Variants in PARPBP observed in about 807,000 individuals in gnomAD.
PARPBP encodes PCNA-interacting partner.
A neutral mutation model predicts 50.0 loss-of-function variants in PARPBP; 52 were observed. The ratio of observed to expected loss-of-function variants is 1.04; its 90% CI spans 0.83 to 1.31. The LOEUF is 1.31. Ranked by LOEUF, PARPBP falls within the 50% of genes most tolerant of loss-of-function variation. The probability of loss-of-function intolerance (pLI) is 0.00; values close to 1 mark genes in which losing one functional copy is unlikely to be tolerated. For synonymous variants in PARPBP, 244 were observed against 232.1 expected, an observed-to-expected ratio of 1.05 and a Z score of -0.47; for missense variants, 697 against 672.0, an observed-to-expected ratio of 1.04 and a Z score of -0.41.
At chr12:102,174,065 C>T (rs1369412002) in intron 6 of PARPBP, among the ~76,000 whole-genome samples, 1 of 151,652 alleles carries the variant, frequency 6.6e-6, no homozygotes, top group Non-Finnish European at 1.5e-5. Context: ...AAACATACAT[C>T]AATCATCTCT....
chr12:102,146,000 A>G (rs1300422411), intron 2 of PARPBP, among the ~76,000 whole-genome samples: 6 of 152,170 alleles, frequency 3.9e-5, no homozygotes, highest in Non-Finnish European at 4.4e-5. Flanking sequence ...TAGGAACCCA[A>G]CTTACAAAGG....
At chr12:102,143,006 C>T (rs1484722899) in intron 2 of PARPBP, among the ~76,000 whole-genome samples, 1 of 152,210 alleles carries the variant, frequency 6.6e-6, no homozygotes, top group Non-Finnish European at 1.5e-5. Context: ...AGAACCACTA[C>T]TCTCTTCAAA....
At chr12:102,149,097 A>G (rs1258247590) in intron 3 of PARPBP, 4 of 152,172 alleles carry the variant, frequency 2.6e-5, no homozygotes, top group Admixed American at 2.0e-4. Flanking sequence ...AAATATTTTT[A>G]GTTATTTGAA....
chr12:102,177,915 T>C (rs1217886479), intron 7 of PARPBP, among the ~76,000 whole-genome samples: 1 of 152,232 alleles, frequency 6.6e-6, no homozygotes, highest in African/African-American at 2.4e-5. Flanking sequence ...TCTGGGTGCC[T>C]CCTCCTCTGT....
chr12:102,124,295 A>G (rs879273914), intron 2 of PARPBP, among the ~76,000 whole-genome samples: 1 of 152,204 alleles, frequency 6.6e-6, no homozygotes, highest in Admixed American at 6.5e-5. Flanking sequence ...TAATAGGAAG[A>G]TTTAGGATAA....
rs746809757 is a variant in PARPBP at position 102,175,628 on chromosome 12, G to A, written c.967G>A (p.Val323Ile). Residue 323 changes from valine to isoleucine, a missense_variant, in exon 7 of 11, where the codon GTT becomes ATT. Val to Ile is a conservative substitution (Grantham distance 29, BLOSUM62 3). Coordinates refer to ENST00000327680, the MANE Select transcript of PARPBP (RefSeq NM_017915.5). ...IKNIINSQEG[V>I]VALSTTDISP... is the part of the protein sequence containing the mutation. ...AAATATTATCAATTCTCAAGAAGGT[G>A]TTGTAGCTCTTAGCACCACTGACAT... is the stretch of plus-strand genomic sequence containing the variant. The A allele has an allele frequency of 1.9e-6, 3 of 1,613,534 alleles. No individual in the cohort carries two copies. The highest frequency in any genetic ancestry group is 1.7e-6 in the Non-Finnish European group (2 of 1,179,558).
chr12:102,155,631 C>A (rs1379530337), intron 4 of PARPBP, among the ~76,000 whole-genome samples: 2 of 145,102 alleles, frequency 1.4e-5, no homozygotes, highest in Admixed American at 6.9e-5. Flanking sequence ...GGAATATAAA[C>A]CCAGGCATTC....
chr12:102,121,545 CTTTTTTTTTTTTT>C lies in PARPBP; in HGVS notation c.-4+1273_-4+1285del, dbSNP rs35855638. Among the ~76,000 whole-genome samples the C allele has an allele frequency of 4.6e-5, 4 of 87,140 alleles. No homozygotes were observed. In the East Asian group the frequency reaches 1.6e-3, roughly 35 times the overall value. 57.2% of individuals were successfully genotyped at this position (87,140 alleles called of 152,430 possible). ...GGTTTTCTGTCACCATAGTAATGCTCTTTTTTTTTTTTTTTTTTTTTTTTTTAAGACAGAGTCT... is the reference window on the plus strand; with the variant it reads ...GGTTTTCTGTCACCATAGTAATGCTCTTTTTTTTTTTTTAAGACAGAGTCT... On this transcript the variant is annotated intron_variant, in intron 1 of 10. Transcript: ENST00000327680.
chr12:102,156,007 G>A (rs376899546), intron 4 of PARPBP, among the ~76,000 whole-genome samples: 186 of 152,082 alleles, frequency 1.2e-3, no homozygotes, highest in Middle Eastern at 0.01. Flanking sequence ...CACTCACTGC[G>A]TGGCCCCAGA....
In PARPBP at chr12:102,197,276, G is replaced by C; in HGVS notation, c.*985G>C. On this transcript the variant is annotated 3_prime_UTR_variant, in exon 11 of 11. Coordinates refer to ENST00000327680, the MANE Select transcript of PARPBP (RefSeq NM_017915.5). ...GATCAATTCAAAGTTACTCTGCACT[G>C]TTTTTGACTTTTTAAAAATACCTTA... is the stretch of plus-strand genomic sequence containing the variant. The C allele has an allele frequency of 9.9e-7, 1 of 1,009,478 alleles. No individual in the cohort carries two copies. The highest frequency in any genetic ancestry group is 1.6e-5 in the South Asian group (1 of 61,776). The allele number at this position is 1,009,478 out of a possible 1,614,324, so 62.5% of individuals were successfully genotyped here.
intron 7 of PARPBP, among the ~76,000 whole-genome samples, chr12:102,177,202 G>A (rs1889369631): frequency 1.3e-5 from 2 of 152,118 alleles, no homozygotes; most frequent in South Asian, 4.1e-4. Flanking sequence ...AGTTCACCTG[G>A]TAACCTGAGT....
chr12:102,179,715 A>ATG (rs1889646336), intron 8 of PARPBP, among the ~76,000 whole-genome samples: 1 of 129,184 alleles, frequency 7.7e-6, no homozygotes, highest in Non-Finnish European at 1.9e-5. Context: ...AGGCATATAG[A>ATG]TATATATATA....
intron 2 of PARPBP, among the ~76,000 whole-genome samples, chr12:102,147,308 A>G (rs1038496082): frequency 6.6e-6 from 1 of 152,166 alleles, no homozygotes; most frequent in Non-Finnish European, 1.5e-5. Flanking sequence ...AAAGACTTGG[A>G]ACCAACCCAA....
At chr12:102,181,825 T>C (rs1218678014) in intron 8 of PARPBP, among the ~76,000 whole-genome samples, 1 of 152,158 alleles carries the variant, frequency 6.6e-6, no homozygotes, top group Non-Finnish European at 1.5e-5. Context: ...CTGGAAGTCT[T>C]AAGATCAAGG....
intron 2 of PARPBP, among the ~76,000 whole-genome samples, chr12:102,128,129 C>T (rs1882290627): frequency 1.3e-5 from 2 of 152,166 alleles, no homozygotes; most frequent in Non-Finnish European, 2.9e-5. Context: ...ATTATTCCTC[C>T]TAACAGAAAC....
chr12:102,184,948 C>T (rs1395477896), intron 9 of PARPBP, among the ~76,000 whole-genome samples: 1 of 152,104 alleles, frequency 6.6e-6, no homozygotes, highest in Non-Finnish European at 1.5e-5. Context: ...ATGATCTACA[C>T]AGAAAATATC....
intron 6 of PARPBP, among the ~76,000 whole-genome samples, chr12:102,174,165 A>T (rs537203538): frequency 1.3e-5 from 2 of 151,216 alleles, no homozygotes; most frequent in East Asian, 3.9e-4. Context: ...CTTTTTTCTC[A>T]CCCTTGCCTA....
At chr12:102,152,629 A>G (rs552453812) in intron 3 of PARPBP, among the ~76,000 whole-genome samples, 1 of 152,352 alleles carries the variant, frequency 6.6e-6, no homozygotes, top group East Asian at 1.9e-4. Context: ...TAAAATTATC[A>G]GATAAAAATA....
chr12:102,195,615 C>T (rs916440989), intron 10 of PARPBP, among the ~76,000 whole-genome samples, 168 bp downstream of exon 10: 1 of 151,548 alleles, frequency 6.6e-6, no homozygotes, highest in African/African-American at 2.4e-5. Context: ...ACAAATTTAT[C>T]GATAGGAATA....
Sources: gnomAD v4.1 joint callset for allele counts (sites outside exome capture counted in the v4.1 genomes callset) on GRCh38, gnomAD v4.1.1 for gene constraint, MANE v1.5 for transcripts, NCBI Gene and HGNC (gene_info 2026-07-23, HGNC 2026-07-21) for gene names.